EYA2: variants seen among roughly 807,000 people sequenced by gnomAD.
EYA2 encodes EYA transcriptional coactivator and phosphatase 2.
A neutral mutation model predicts 69.2 loss-of-function variants in EYA2; 31 were observed. The observed-to-expected ratio is 0.45, with a 90% CI of 0.34 to 0.60. The LOEUF (loss-of-function observed/expected upper bound fraction) is 0.60, where lower values mean the gene tolerates loss of function less well. Among genes scored for constraint, EYA2 ranks in the 20% least tolerant of loss-of-function variants. The pLI is 0.02. For synonymous variants in EYA2, 257 were observed against 279.4 expected (o/e 0.92, Z 0.80); for missense variants, 622 against 701.2 (o/e 0.89, Z 1.28).
chr20:47,057,482 A>ACATTATCTGCT (rs2030683640), intron 5 of EYA2, among the ~76,000 whole-genome samples: 1 of 149,204 alleles, frequency 6.7e-6, no homozygotes. Flanking sequence ...TCCATTCTAT[A>ACATTATCTGCT]CATTATCTGC....
intron 1 of EYA2, among the ~76,000 whole-genome samples, chr20:46,895,347 C>T (rs1301095358): frequency 1.3e-5 from 2 of 152,212 alleles, no homozygotes; most frequent in Admixed American, 6.5e-5. Context: ...ATTATGGTCC[C>T]GGCGGTTCGC....
At chr20:47,132,773 G>T (rs574962830) in intron 9 of EYA2, among the ~76,000 whole-genome samples, 1 of 152,240 alleles carries the variant, frequency 6.6e-6, no homozygotes. Flanking sequence ...GGCAATGCTT[G>T]TATAAGGGAG....
chr20:47,022,830 A>AT (rs34987478), intron 5 of EYA2, among the ~76,000 whole-genome samples: 6,623 of 150,806 alleles, frequency 0.044, 473 homozygotes, highest in East Asian at 0.29. Flanking sequence ...AATTTTGTTT[A>AT]TTTTTTGTAG....
intron 1 of EYA2, among the ~76,000 whole-genome samples, chr20:46,951,842 G>A (rs917471830): frequency 3.9e-5 from 6 of 152,212 alleles, no homozygotes; most frequent in Admixed American, 3.9e-4. Context: ...TTGTGAAACA[G>A]GGATAACAGG....
intron 1 of EYA2, among the ~76,000 whole-genome samples, chr20:46,962,474 GT>G (rs892329427): frequency 5.3e-5 from 8 of 150,014 alleles, no homozygotes; most frequent in Admixed American, 1.3e-4. Flanking sequence ...TCAATTAAAA[GT>G]TTTTTTTTTA....
intron 2 of EYA2, among the ~76,000 whole-genome samples, chr20:46,999,578 T>G (rs1275962944): frequency 6.6e-6 from 1 of 152,230 alleles, no homozygotes; most frequent in African/African-American, 2.4e-5. Flanking sequence ...CTTCTTACTA[T>G]GGGCAATACC....
rs565075135 is a variant in EYA2, at chr20:47,133,560, G to A, written c.889-9499G>A. 1.2e-3 allele frequency among the ~76,000 whole-genome samples: 184 copies of A among 152,188 alleles called. 1 individual carries two copies. Among genetic ancestry groups the A allele is most frequent in the Middle Eastern group, 6.8e-3 (2 of 294 alleles). ...GTTGGGAATCCCCAAGACCACCTTC[G>A]GCCTCAATGATTGACTAGAACTCAC... On this transcript the variant is annotated intron_variant, in intron 9 of 15. Transcript: ENST00000327619.
intron 1 of EYA2, among the ~76,000 whole-genome samples, chr20:46,907,308 G>T (rs1273812403): frequency 6.6e-6 from 1 of 152,236 alleles, no homozygotes; most frequent in Non-Finnish European, 1.5e-5. Context: ...TTAAGACTGA[G>T]CCAAAGAGAC....
chr20:47,102,464 C>T (rs1248126039), intron 9 of EYA2, among the ~76,000 whole-genome samples: 1 of 152,226 alleles, frequency 6.6e-6, no homozygotes, highest in Non-Finnish European at 1.5e-5. Context: ...CCTGAACATC[C>T]ATGACAAGAA....
At chr20:47,126,001 G>C (rs920625404) in intron 9 of EYA2, among the ~76,000 whole-genome samples, 2 of 152,140 alleles carry the variant, frequency 1.3e-5, no homozygotes. Flanking sequence ...AAAGTGAGGC[G>C]AAGGCAGGCA....
chr20:46,999,252 T>C (rs916503918), intron 2 of EYA2, among the ~76,000 whole-genome samples: 1 of 152,214 alleles, frequency 6.6e-6, no homozygotes, highest in African/African-American at 2.4e-5. Flanking sequence ...ACTCAAGTCA[T>C]GGGCTTTTAC....
intron 4 of EYA2, among the ~76,000 whole-genome samples, chr20:47,005,473 T>C (rs116031387): frequency 0.01 from 1,523 of 152,292 alleles, 23 homozygotes; most frequent in African/African-American, 0.035. Context: ...GCAAAGATGG[T>C]GCCTGTCCAC....
At chr20:46,937,718 G>T (rs1985977419) in intron 1 of EYA2, among the ~76,000 whole-genome samples, 1 of 131,930 alleles carries the variant, frequency 7.6e-6, no homozygotes. Context: ...AAGGCAATTT[G>T]GAATTCTTGA....
intron 2 of EYA2, among the ~76,000 whole-genome samples, chr20:46,993,255 T>C (rs1425020403): frequency 1.3e-5 from 2 of 152,232 alleles, no homozygotes; most frequent in African/African-American, 4.8e-5. Flanking sequence ...TTAAAAAGTA[T>C]AGAACAAGAT....
intron 9 of EYA2, among the ~76,000 whole-genome samples, chr20:47,121,804 C>T (rs184188434): frequency 2.6e-5 from 4 of 152,238 alleles, no homozygotes; most frequent in Non-Finnish European, 1.5e-5. Context: ...AAGACTACCA[C>T]GCTGGGAAGT....
intron 5 of EYA2, among the ~76,000 whole-genome samples, chr20:47,057,114 G>A (rs1446096965): frequency 7.1e-6 from 1 of 141,804 alleles, no homozygotes; most frequent in Non-Finnish European, 1.5e-5. Context: ...GAGGGAGGGA[G>A]GGAAGGAAGA....
chr20:47,068,389 A>G (rs1453423799), intron 5 of EYA2, among the ~76,000 whole-genome samples: 1 of 152,366 alleles, frequency 6.6e-6, no homozygotes, highest in East Asian at 1.9e-4. Context: ...CTCTGCTGCC[A>G]AGACCAAAGC....
At chr20:46,971,080 TACAC>T (rs148380754) in intron 1 of EYA2, among the ~76,000 whole-genome samples, 35 of 147,276 alleles carry the variant, frequency 2.4e-4, no homozygotes, top group East Asian at 4.0e-4. Flanking sequence ...ATAAAGTTGC[TACAC>T]ACACACACAC....
chr20:47,150,667 A>G (rs573320263), intron 10 of EYA2, among the ~76,000 whole-genome samples: 1 of 152,052 alleles, frequency 6.6e-6, no homozygotes, highest in East Asian at 2.0e-4. Flanking sequence ...GGAGTCTCCT[A>G]TGCTACCCAG....
Sources: gnomAD v4.1 joint callset for allele counts (sites outside exome capture counted in the v4.1 genomes callset) on GRCh38, gnomAD v4.1.1 for gene constraint, MANE v1.5 for transcripts, NCBI Gene and HGNC (gene_info 2026-07-23, HGNC 2026-07-21) for gene names.